The following CWF19L1 variants were observed in gnomAD, a reference collection of about 807,000 sequenced individuals.
CWF19L1 encodes CWF19 like cell cycle control factor 1.
Under a neutral mutation model 69.7 loss-of-function variants are expected in CWF19L1, and 60 were observed. That is an observed-to-expected ratio of 0.86 (90% confidence interval 0.70 to 1.07). The LOEUF is 1.07. CWF19L1 is among the 50% of genes least tolerant of loss of function. The pLI is 0.00. For missense variants in CWF19L1, 591 were observed against 638.9 expected (o/e 0.92, Z 0.81); for synonymous variants, 209 against 222.2 (o/e 0.94, Z 0.53).
At chr10:100,234,964 C>T (rs1328128183) in intron 13 of CWF19L1, among the ~76,000 whole-genome samples, 1 of 152,186 alleles carries the variant, frequency 6.6e-6, no homozygotes, top group Admixed American at 6.5e-5. Flanking sequence ...GTGACTAGGA[C>T]AAGCTACCTA....
intron 1 of CWF19L1, among the ~76,000 whole-genome samples, chr10:100,264,482 T>C (rs1247565169): frequency 6.6e-6 from 1 of 151,736 alleles, no homozygotes; most frequent in Non-Finnish European, 1.5e-5. Context: ...GAGGCAGAGC[T>C]TGCAGTGAGC....
intron 5 of CWF19L1, among the ~76,000 whole-genome samples, chr10:100,255,296 A>G (rs1847172294): frequency 6.6e-6 from 1 of 152,054 alleles, no homozygotes; most frequent in South Asian, 2.1e-4. Flanking sequence ...AGGCGGGTGG[A>G]TCACTAGAGC....
chr10:100,243,509 T>C (rs771129304), intron 10 of CWF19L1, among the ~76,000 whole-genome samples, 189 bp downstream of exon 10: 9 of 152,084 alleles, frequency 5.9e-5, no homozygotes, highest in Non-Finnish European at 1.2e-4. Context: ...GCATAAGAGA[T>C]CTTACTGCAA....
At chr10:100,258,695 G>A (rs1047853952) in intron 4 of CWF19L1, 29 of 152,070 alleles carry the variant, frequency 1.9e-4, no homozygotes, top group Admixed American at 1.5e-3. Flanking sequence ...AACAAATAAA[G>A]TCCTTCCTTC....
intron 7 of CWF19L1, chr10:100,249,147 T>C: frequency 2.6e-6 from 1 of 382,676 alleles, no homozygotes; most frequent in East Asian, 5.4e-5. Context: ...GTCTTCCTTC[T>C]GCCCCAACCC....
chr10:100,247,571 C>A (rs973105349), intron 7 of CWF19L1, among the ~76,000 whole-genome samples: 1 of 152,142 alleles, frequency 6.6e-6, no homozygotes, highest in African/African-American at 2.4e-5. Flanking sequence ...AATTATATAT[C>A]ATTTATCACA....
intron 1 of CWF19L1, among the ~76,000 whole-genome samples, chr10:100,262,691 T>C (rs954564586): frequency 2.6e-5 from 4 of 152,084 alleles, no homozygotes; most frequent in Non-Finnish European, 5.9e-5. Context: ...GTGTGAAGTG[T>C]TATGGGGCAG....
chr10:100,267,528 G>C, intron 1 of CWF19L1, 43 bp downstream of exon 1: 1 of 1,614,084 alleles, frequency 6.2e-7, no homozygotes, highest in South Asian at 1.1e-5. Flanking sequence ...CTACACACAC[G>C]AAAGAGACAC....
At chr10:100,241,978 C>A (rs1372365597) in intron 10 of CWF19L1, among the ~76,000 whole-genome samples, 1 of 152,156 alleles carries the variant, frequency 6.6e-6, no homozygotes, top group African/African-American at 2.4e-5. Context: ...ATTAAGTTTT[C>A]TTCATTCTAA....
At position 100,256,245 on chromosome 10, in the gene CWF19L1, A is replaced by G. The variant is rs764152397; in HGVS notation, c.504+17T>C. The G allele has an allele frequency of 6.2e-7, 1 of 1,604,000 alleles. No homozygotes were observed. Among genetic ancestry groups the G allele is most frequent in the East Asian group, 2.2e-5 (1 of 44,806 alleles). ...CAATTTGCTTTTAGAAATTCCAACT[A>G]AACAAACACTACTCACAGAAGAATT... On this transcript the variant is annotated intron_variant, in intron 5 of 13. Coordinates refer to ENST00000354105, the MANE Select transcript of CWF19L1 (RefSeq NM_018294.6).
At chr10:100,251,084 C>A (rs910829917) in intron 6 of CWF19L1, among the ~76,000 whole-genome samples, 2 of 152,070 alleles carry the variant, frequency 1.3e-5, no homozygotes, top group Non-Finnish European at 2.9e-5. Flanking sequence ...AATAACATTT[C>A]ATCATATATT....
intron 7 of CWF19L1, chr10:100,248,158 T>C (rs1365988775): frequency 1.0e-5 from 6 of 581,450 alleles, no homozygotes; most frequent in Non-Finnish European, 1.9e-5. Context: ...AAATTACAAA[T>C]CTACATTTGC....
At chr10:100,257,482 T>A (rs901064316) in intron 4 of CWF19L1, among the ~76,000 whole-genome samples, 1 of 151,814 alleles carries the variant, frequency 6.6e-6, no homozygotes. Flanking sequence ...CTATTTTTAG[T>A]AGAGATGGGG....
chr10:100,251,505 C>CTTTTTTT (rs1208146959), intron 6 of CWF19L1, among the ~76,000 whole-genome samples: 48 of 88,308 alleles, frequency 5.4e-4, no homozygotes, highest in East Asian at 1.0e-3. Context: ...GTCTATTGGC[C>CTTTTTTT]TTTTTTTTTT....
intron 11 of CWF19L1, chr10:100,237,357 A>T (rs1846478909): frequency 4.7e-6 from 2 of 429,072 alleles, no homozygotes; most frequent in Admixed American, 5.5e-5. Flanking sequence ...AGGCTTTGAG[A>T]CTATTTCCTA....
At chr10:100,259,033 T>A (rs1847306305) in intron 4 of CWF19L1, among the ~76,000 whole-genome samples, 1 of 151,300 alleles carries the variant, frequency 6.6e-6, no homozygotes, top group Non-Finnish European at 1.5e-5. Context: ...AAATCCCGTC[T>A]CTACTAAAAA....
intron 12 of CWF19L1, among the ~76,000 whole-genome samples, chr10:100,236,086 A>G (rs1355926057): frequency 6.6e-6 from 1 of 151,124 alleles, no homozygotes; most frequent in Non-Finnish European, 1.5e-5. Flanking sequence ...TCTAGTTCCA[A>G]ATTGTCCACT....
chr10:100,235,264 G>A (rs1349519128), intron 13 of CWF19L1, among the ~76,000 whole-genome samples: 1 of 152,188 alleles, frequency 6.6e-6, no homozygotes, highest in African/African-American at 2.4e-5. Context: ...AAGATTAAAT[G>A]AGTCATGTAT....
At chr10:100,248,426 C>CT in intron 7 of CWF19L1, 1 of 708,058 alleles carries the variant, frequency 1.4e-6, no homozygotes, top group Non-Finnish European at 2.6e-6. Context: ...AAGGGACTCA[C>CT]TTTCTCATTC....
Sources: gnomAD v4.1 joint callset for allele counts (sites outside exome capture counted in the v4.1 genomes callset) on GRCh38, gnomAD v4.1.1 for gene constraint, MANE v1.5 for transcripts, NCBI Gene and HGNC (gene_info 2026-07-23, HGNC 2026-07-21) for gene names.